GOLT1A: variants seen among roughly 807,000 people sequenced by gnomAD.
The protein encoded by GOLT1A is golgi transport 1A, also known as vesicle transport protein GOT1A.
GOLT1A carries 10 observed loss-of-function variants against 16.1 expected under a neutral mutation model. That is an observed-to-expected ratio of 0.62 (90% confidence interval 0.38 to 1.05). GOLT1A has a LOEUF of 1.05. Among genes scored for constraint, GOLT1A ranks in the 50% least tolerant of loss-of-function variants. GOLT1A has a pLI of 0.01. For missense variants in GOLT1A, 137 were observed against 165.7 expected (o/e 0.83, Z 0.95); for synonymous variants, 60 against 67.9 (o/e 0.88, Z 0.57).
chr1:204,198,638 G>A (rs752399080), intron 4 of GOLT1A, 142 bp from the exon 5 acceptor site: 44 of 720,924 alleles, frequency 6.1e-5, no homozygotes, highest in Middle Eastern at 3.0e-4. Flanking sequence ...TCCAGCTGGC[G>A]GTTGTGGTGG....
chr1:204,213,778 C>G, intron 1 of GOLT1A, 104 bp downstream of exon 1: 1 of 1,342,412 alleles, frequency 7.4e-7, no homozygotes, highest in Non-Finnish European at 1.0e-6. Flanking sequence ...CCCCTGGCTC[C>G]AGAGGTCACG....
At chr1:204,203,939 G>T (rs530025011) in intron 1 of GOLT1A, among the ~76,000 whole-genome samples, 6 of 152,104 alleles carry the variant, frequency 3.9e-5, no homozygotes, top group Admixed American at 1.3e-4. Flanking sequence ...GGACATGAAG[G>T]CCCCCTCGTT....
chr1:204,208,586 T>C (rs748101022), intron 1 of GOLT1A, among the ~76,000 whole-genome samples: 17 of 149,868 alleles, frequency 1.1e-4, no homozygotes, highest in Admixed American at 6.7e-4. Flanking sequence ...ATCATTATTC[T>C]AAGTGAAGTG....
At chr1:204,211,244 C>T (rs1348432798) in intron 1 of GOLT1A, among the ~76,000 whole-genome samples, 4 of 152,234 alleles carry the variant, frequency 2.6e-5, no homozygotes, top group East Asian at 1.9e-4. Context: ...GACTCCTTCA[C>T]GGCTGCCCAC....
chr1:204,200,299 G>GTATATGTATATATATATATATATA (rs1658933017), intron 3 of GOLT1A, among the ~76,000 whole-genome samples: 1 of 82,684 alleles, frequency 1.2e-5, no homozygotes, highest in Non-Finnish European at 2.3e-5. Flanking sequence ...ACATATATGT[G>GTATATGTATATATATATATATATA]TATATATATA....
chr1:204,212,924 G>A (rs1659161968), intron 1 of GOLT1A, among the ~76,000 whole-genome samples: 2 of 152,052 alleles, frequency 1.3e-5, no homozygotes, highest in South Asian at 4.1e-4. Flanking sequence ...TAATGCCTCA[G>A]GGCCTTTGCA....
intron 1 of GOLT1A, 45 bp from the exon 2 acceptor site, chr1:204,203,032 A>T (rs1295366075): frequency 1.3e-6 from 2 of 1,524,910 alleles, no homozygotes; most frequent in African/African-American, 2.8e-5. Context: ...TTTGGGGAGC[A>T]GGTGGGGACC....
chr1:204,208,783 A>T (rs1201390735), intron 1 of GOLT1A, among the ~76,000 whole-genome samples: 1 of 151,878 alleles, frequency 6.6e-6, no homozygotes, highest in Non-Finnish European at 1.5e-5. Flanking sequence ...GGTGCACCAA[A>T]ATCTCAGAAA....
At chr1:204,198,815 GCTGTCATACA>G in intron 4 of GOLT1A, 1 of 486,750 alleles carries the variant, frequency 2.1e-6, no homozygotes, top group South Asian at 3.0e-5. Context: ...GCTGTCATCA[GCTGTCATACA>G]TTCTCTCCAT....
At chr1:204,208,764 C>T (rs527494990) in intron 1 of GOLT1A, among the ~76,000 whole-genome samples, 3 of 151,898 alleles carry the variant, frequency 2.0e-5, no homozygotes, top group African/African-American at 4.8e-5. Flanking sequence ...GTACACTGCT[C>T]GGGTGATGGG....
Position 204,198,503 on chromosome 1 carries a change from G to A in GOLT1A, c.361-7C>T, listed in dbSNP as rs1455620905. 2 of 1,612,802 alleles carry A rather than the reference G, an allele frequency of 1.2e-6. No homozygotes were observed. The highest frequency in any genetic ancestry group is 2.7e-5 in the African/African-American group (2 of 74,834). Reference sequence around the variant, plus strand: ...CTTGAAGTCTCCGGAACAGCTGTGGGAGCCAAGAATCATTACTCCACACAA... The same window carrying A: ...CTTGAAGTCTCCGGAACAGCTGTGGAAGCCAAGAATCATTACTCCACACAA... On this transcript the variant is annotated splice_polypyrimidine_tract_variant and splice_region_variant and intron_variant, in intron 4 of 4. Transcript: ENST00000308302.
intron 2 of GOLT1A, among the ~76,000 whole-genome samples, chr1:204,202,412 G>A (rs6689090): frequency 0.099 from 15,080 of 151,784 alleles, 1,127 homozygotes; most frequent in African/African-American, 0.22. Flanking sequence ...CCCTGGAAGT[G>A]CTTTATTCAC....
intron 1 of GOLT1A, among the ~76,000 whole-genome samples, chr1:204,204,133 T>G (rs1224272846): frequency 6.6e-6 from 1 of 152,240 alleles, no homozygotes; most frequent in Non-Finnish European, 1.5e-5. Context: ...ATTCTGTTGC[T>G]TTGTTTTTAA....
At chr1:204,205,073 C>T (rs1031288091) in intron 1 of GOLT1A, among the ~76,000 whole-genome samples, 16 of 152,076 alleles carry the variant, frequency 1.1e-4, no homozygotes, top group Non-Finnish European at 1.0e-4. Context: ...AACTATGTAG[C>T]GTATGATTTG....
chr1:204,208,276 G>C (rs1659074708), intron 1 of GOLT1A, among the ~76,000 whole-genome samples: 2 of 150,908 alleles, frequency 1.3e-5, no homozygotes, highest in Non-Finnish European at 2.9e-5. Flanking sequence ...ATTAGTCAAT[G>C]AGTGTATAAA....
intron 1 of GOLT1A, among the ~76,000 whole-genome samples, chr1:204,203,886 G>A (rs940218263): frequency 6.6e-6 from 1 of 152,142 alleles, no homozygotes; most frequent in Non-Finnish European, 1.5e-5. Context: ...CTTTGAAGCT[G>A]CAGGAGTTCA....
chr1:204,213,863 C>T lies in GOLT1A; in HGVS notation c.25+19G>A, dbSNP rs1157756215. 2 of 1,612,224 alleles carry T rather than the reference C, an allele frequency of 1.2e-6. 1 individual carries two copies. The highest frequency in any genetic ancestry group is 2.2e-5 in the South Asian group (2 of 90,656). The stretch of plus-strand genomic sequence containing the variant: ...GCCTGGCCTGGATAGCCCATTGCAG[C>T]CCCGCTCATCCCACTTACTCTGCCA... On this transcript the variant is annotated intron_variant, in intron 1 of 4. Transcript: ENST00000308302.
chr1:204,200,299 G>GTATACATATATATATATATATA (rs1553233959), intron 3 of GOLT1A, among the ~76,000 whole-genome samples: 5 of 82,682 alleles, frequency 6.0e-5, no homozygotes, highest in Non-Finnish European at 1.2e-4. Context: ...ACATATATGT[G>GTATACATATATATATATATATA]TATATATATA....
In GOLT1A at chr1:204,213,891, C is replaced by T; in HGVS notation, c.16G>A (p.Glu6Lys). 1 of 1,613,350 alleles carries T rather than the reference C, an allele frequency of 6.2e-7. No individual in the cohort carries two copies. The highest frequency in any genetic ancestry group is 1.3e-5 in the African/African-American group (1 of 75,040). MISITEWQKIGVGITG... is the reference protein window; with the variant it reads MISITKWQKIGVGITG... ...CGCTCATCCCACTTACTCTGCCATT[C>T]GGTGATGGAGATCATGCCGCACTCA... The change falls in exon 1 of 5, where the codon GAA (glutamate) becomes AAA (lysine). Residue 6 changes from glutamate (E) to lysine (K), a missense_variant. Transcript: ENST00000308302.
Sources: gnomAD v4.1 joint callset for allele counts (sites outside exome capture counted in the v4.1 genomes callset) on GRCh38, gnomAD v4.1.1 for gene constraint, MANE v1.5 for transcripts, NCBI Gene and HGNC (gene_info 2026-07-23, HGNC 2026-07-21) for gene names.